The following PKIB variants were observed in gnomAD, a reference collection of about 807,000 sequenced individuals.
The protein encoded by PKIB is PKI-beta.
Under a neutral mutation model 4.5 loss-of-function variants are expected in PKIB, and 2 were observed. The ratio of observed to expected loss-of-function variants is 0.44; its 90% CI spans 0.18 to 1.39. The LOEUF is 1.39. PKIB is among the 40% of genes most tolerant of loss of function. The pLI is 0.27. For synonymous variants in PKIB, 38 were observed against 36.0 expected (o/e 1.06, Z -0.20); for missense variants, 94 against 92.6 (o/e 1.02, Z -0.06).
intron 4 of PKIB, 118 bp from the exon 5 acceptor site, chr6:122,725,010 A>G (rs575427958): frequency 1.1e-4 from 82 of 722,498 alleles, no homozygotes; most frequent in Non-Finnish European, 1.8e-4. Flanking sequence ...TAGTTTCCAT[A>G]TCTGAATTGA....
At chr6:122,597,272 A>G (rs922336901) in intron 3 of PKIB, among the ~76,000 whole-genome samples, 15 of 152,246 alleles carry the variant, frequency 9.9e-5, no homozygotes, top group African/African-American at 3.6e-4. Context: ...TCTCTGAATA[A>G]GATTATGACA....
At chr6:122,645,606 T>C (rs538838150) in intron 2 of PKIB, among the ~76,000 whole-genome samples, 14 of 152,068 alleles carry the variant, frequency 9.2e-5, no homozygotes, top group South Asian at 2.1e-4. Context: ...GTCCCAAGGA[T>C]TGGGGCTGAG....
chr6:122,585,676 G>T (rs1419011684), intron 2 of PKIB: 1 of 152,004 alleles, frequency 6.6e-6, no homozygotes, highest in African/African-American at 2.4e-5. Context: ...GCAAATTATT[G>T]AAAAAACAAT....
At chr6:122,496,010 T>G (rs925899959) in intron 2 of PKIB, among the ~76,000 whole-genome samples, 1 of 152,152 alleles carries the variant, frequency 6.6e-6, no homozygotes, top group African/African-American at 2.4e-5. Context: ...AGCTTGGGGC[T>G]CCAGCTCAAC....
intron 2 of PKIB, among the ~76,000 whole-genome samples, chr6:122,666,484 T>G (rs1341431838): frequency 1.3e-5 from 2 of 152,220 alleles, no homozygotes; most frequent in African/African-American, 4.8e-5. Flanking sequence ...TTTGTTTTTG[T>G]TTTTGTTTTA....
intron 3 of PKIB, among the ~76,000 whole-genome samples, chr6:122,716,972 G>A (rs1188014734): frequency 1.3e-5 from 2 of 152,140 alleles, no homozygotes; most frequent in African/African-American, 4.8e-5. Context: ...TCAATACAAT[G>A]CTTCTGCTTT....
intron 2 of PKIB, among the ~76,000 whole-genome samples, chr6:122,574,158 C>T (rs377370096): frequency 6.6e-6 from 1 of 152,312 alleles, no homozygotes; most frequent in East Asian, 1.9e-4. Context: ...AGAACTCAAT[C>T]CCTTTTGCAA....
intron 3 of PKIB, among the ~76,000 whole-genome samples, chr6:122,591,605 A>G (rs1164239156): frequency 6.6e-6 from 1 of 152,234 alleles, no homozygotes; most frequent in Non-Finnish European, 1.5e-5. Flanking sequence ...ATACATTAGT[A>G]TGATGCTGAG....
intron 2 of PKIB, among the ~76,000 whole-genome samples, chr6:122,520,786 C>A (rs1012879111): frequency 6.6e-6 from 1 of 151,746 alleles, no homozygotes; most frequent in Non-Finnish European, 1.5e-5. Flanking sequence ...GGGACCATTA[C>A]AATCAACACA....
intron 1 of PKIB, among the ~76,000 whole-genome samples, chr6:122,472,306 A>G (rs1775326602): frequency 6.6e-6 from 1 of 152,200 alleles, no homozygotes; most frequent in African/African-American, 2.4e-5. Flanking sequence ...TGGGATATTT[A>G]TATTCATCTG....
intron 4 of PKIB, among the ~76,000 whole-genome samples, chr6:122,720,529 C>A (rs9490536): frequency 3.3e-5 from 5 of 151,724 alleles, no homozygotes; most frequent in African/African-American, 1.2e-4. Context: ...TGCCATACAC[C>A]GAGAAGGGTT....
chr6:122,658,581 G>A (rs1043791616), intron 2 of PKIB, among the ~76,000 whole-genome samples: 1 of 151,924 alleles, frequency 6.6e-6, no homozygotes, highest in Non-Finnish European at 1.5e-5. Context: ...ATGATGTGAT[G>A]CACAGATCAC....
At chr6:122,619,053 T>A (rs1775107822) in intron 1 of PKIB, among the ~76,000 whole-genome samples, 1 of 152,184 alleles carries the variant, frequency 6.6e-6, no homozygotes, top group East Asian at 1.9e-4. Flanking sequence ...GTTATTTTTA[T>A]GAATTGTTAT....
At chr6:122,647,609 C>T (rs943491542) in intron 2 of PKIB, among the ~76,000 whole-genome samples, 1 of 152,224 alleles carries the variant, frequency 6.6e-6, no homozygotes, top group African/African-American at 2.4e-5. Flanking sequence ...TTCTCCTTGA[C>T]ATTCTGTAGC....
chr6:122,679,513 T>C (rs566183845), intron 3 of PKIB, among the ~76,000 whole-genome samples: 3 of 152,208 alleles, frequency 2.0e-5, no homozygotes, highest in South Asian at 4.1e-4. Flanking sequence ...CCATCTAAGC[T>C]AGAGAGGCTG....
At chr6:122,704,756 A>G (rs1351146126) in intron 3 of PKIB, among the ~76,000 whole-genome samples, 3 of 101,446 alleles carry the variant, frequency 3.0e-5, no homozygotes, top group Non-Finnish European at 7.0e-5. Flanking sequence ...GTGTGTGTTT[A>G]TGTTTAGAGA....
At chr6:122,561,517 T>C (rs1357475975) in intron 2 of PKIB, among the ~76,000 whole-genome samples, 4 of 152,044 alleles carry the variant, frequency 2.6e-5, no homozygotes, top group Non-Finnish European at 4.4e-5. Context: ...GTAGAATGTG[T>C]ATTCTGAGGT....
intron 3 of PKIB, among the ~76,000 whole-genome samples, chr6:122,715,860 C>T (rs1319223550): frequency 1.3e-5 from 2 of 152,082 alleles, no homozygotes; most frequent in East Asian, 1.9e-4. Flanking sequence ...TCAGAGTGAA[C>T]TGAAATTGAT....
chr6:122,623,478 A>G (rs1308905341), intron 1 of PKIB, among the ~76,000 whole-genome samples: 3 of 152,194 alleles, frequency 2.0e-5, no homozygotes, highest in East Asian at 1.9e-4. Flanking sequence ...GATGTGAGAA[A>G]TAATCTTGCC....
Sources: gnomAD v4.1 joint callset for allele counts (sites outside exome capture counted in the v4.1 genomes callset) on GRCh38, gnomAD v4.1.1 for gene constraint, MANE v1.5 for transcripts, NCBI Gene and HGNC (gene_info 2026-07-23, HGNC 2026-07-21) for gene names.